Variants in PGAP1 observed in about 807,000 individuals in gnomAD.
PGAP1 encodes post-GPI attachment to proteins inositol deacylase 1.
Under a neutral mutation model 127.0 loss-of-function variants are expected in PGAP1, and 76 were observed. The ratio of observed to expected loss-of-function variants is 0.60; its 90% CI spans 0.50 to 0.72. The LOEUF (loss-of-function observed/expected upper bound fraction) is 0.72, where lower values mean the gene tolerates loss of function less well. Among genes scored for constraint, PGAP1 ranks in the 30% least tolerant of loss-of-function variants. The pLI is 0.00. For missense variants in PGAP1, 982 were observed against 1,071.3 expected (o/e 0.92, Z 1.16); for synonymous variants, 362 against 366.5 (o/e 0.99, Z 0.14).
intron 19 of PGAP1, among the ~76,000 whole-genome samples, chr2:196,865,726 A>T (rs1701218676): frequency 6.6e-6 from 1 of 152,012 alleles, no homozygotes; most frequent in Admixed American, 6.6e-5. Context: ...AAGTTTTAAA[A>T]TCAGTGCCTA....
rs1184068304 is a variant in PGAP1, at chr2:196,844,055, T to A, written c.2358A>T (p.Arg786Ser). 1.3e-5 allele frequency: 21 copies of A among 1,586,110 alleles called. No homozygotes were observed. The highest frequency in any genetic ancestry group is 1.8e-5 in the Non-Finnish European group (21 of 1,162,274). Residue 786 changes from arginine to serine, a missense_variant, in exon 25 of 27, where the codon AGA becomes AGT. Coordinates refer to ENST00000354764, the MANE Select transcript of PGAP1 (RefSeq NM_024989.4). ...SQPVNPKHSR[R>S]SEKKSNHHKD... ...TATGATGATTGGATTTCTTTTCACT[T>A]CTTCTAGAGTGTTTGGGATTCTATA...
At position 196,890,881 on chromosome 2, in the gene PGAP1, G is replaced by C. The variant is rs757910847; in HGVS notation, c.1120C>G (p.Leu374Val). The change falls in exon 10 of 27, where the codon CTT becomes GTT. Residue 374 changes from leucine (L) to valine (V), a missense_variant. Physicochemically the swap from Leu to Val is conservative, Grantham distance 32. Transcript: ENST00000354764. ...GTGTAGATTTTTCTATGATTTTCAAGAGGAAATGTAAAATATATCTTCTCA... is the reference window on the plus strand; with the variant it reads ...GTGTAGATTTTTCTATGATTTTCAACAGGAAATGTAAAATATATCTTCTCA... Reference protein sequence around the residue: ...ESEKIYFTFPLENHRKIYTHV... With the variant: ...ESEKIYFTFPVENHRKIYTHV... 1 of 1,539,520 alleles carries C rather than the reference G, an allele frequency of 6.5e-7. No individual in the cohort carries two copies. Among genetic ancestry groups the C allele is most frequent in the Non-Finnish European group, 9.0e-7 (1 of 1,113,798 alleles).
At chr2:196,874,763 C>T (rs371220884) in intron 14 of PGAP1, among the ~76,000 whole-genome samples, 28 of 152,128 alleles carry the variant, frequency 1.8e-4, no homozygotes, top group African/African-American at 4.3e-4. Context: ...CCTGTAATTC[C>T]GGCATTTTGG....
rs148349860 is a variant in PGAP1 at position 196,847,200 on chromosome 2, C to T, written c.1953G>A (p.Gly651=). ...PFVIIIKFLL[G]YKWFKELWDV... Reference sequence around the variant, plus strand: ...CCCACAATTCTTTAAACCATTTATACCTGTGGAGAAAAGAAAATATAAAAG... The same window carrying T: ...CCCACAATTCTTTAAACCATTTATATCTGTGGAGAAAAGAAAATATAAAAG... The change falls in exon 22 of 27, where the codon GGG becomes GGA. Residue 651 remains glycine (G), a splice_region_variant and synonymous_variant. Coordinates refer to ENST00000354764, the MANE Select transcript of PGAP1 (RefSeq NM_024989.4). 469 of 1,593,802 alleles carry T rather than the reference C, an allele frequency of 2.9e-4. No homozygotes were observed. Among genetic ancestry groups the T allele is most frequent in the Non-Finnish European group, 3.7e-4 (435 of 1,172,758 alleles).
chr2:196,852,028 G>A (rs1352523022), intron 20 of PGAP1, among the ~76,000 whole-genome samples: 1 of 152,088 alleles, frequency 6.6e-6, no homozygotes, highest in African/African-American at 2.4e-5. Flanking sequence ...TTGTTCCACA[G>A]CCTTAATTAC....
intron 12 of PGAP1, among the ~76,000 whole-genome samples, chr2:196,881,846 C>G (rs1701743670): frequency 6.6e-6 from 1 of 152,184 alleles, no homozygotes; most frequent in African/African-American, 2.4e-5. Context: ...GTTTCCTTTG[C>G]TGTGCAGAAA....
intron 5 of PGAP1, among the ~76,000 whole-genome samples, chr2:196,899,162 T>G (rs1329761375): frequency 6.6e-6 from 1 of 152,180 alleles, no homozygotes; most frequent in East Asian, 1.9e-4. Flanking sequence ...CATCTCTTTA[T>G]GTACCATCAA....
chr2:196,913,118 C>A (rs1576196144), intron 3 of PGAP1, 65 bp from the exon 4 acceptor site: 2 of 1,463,638 alleles, frequency 1.4e-6, no homozygotes, highest in East Asian at 4.6e-5. Flanking sequence ...CTAAATATTT[C>A]TCTCTGCATA....
At chr2:196,900,935 AG>A (rs1269459909) in intron 5 of PGAP1, among the ~76,000 whole-genome samples, 4 of 145,494 alleles carry the variant, frequency 2.7e-5, no homozygotes, top group African/African-American at 9.8e-5. Context: ...TCAAAAAAAA[AG>A]AAAAAAAAAG....
At chr2:196,906,097 C>G (rs1414741766) in intron 4 of PGAP1, among the ~76,000 whole-genome samples, 1 of 35,672 alleles carries the variant, frequency 2.8e-5, no homozygotes, top group African/African-American at 1.0e-4. Context: ...GTGGAGCCCA[C>G]CACAGCTCAA....
intron 18 of PGAP1, among the ~76,000 whole-genome samples, chr2:196,871,910 G>A (rs1701421902): frequency 6.6e-6 from 1 of 152,142 alleles, no homozygotes. Context: ...GAATCCATAA[G>A]TAACTAAAAT....
chr2:196,877,917 T>C (rs1447250918), intron 13 of PGAP1, among the ~76,000 whole-genome samples: 1 of 152,110 alleles, frequency 6.6e-6, no homozygotes, highest in East Asian at 1.9e-4. Context: ...ATAAATAAAT[T>C]ATAATTCAAT....
intron 5 of PGAP1, among the ~76,000 whole-genome samples, chr2:196,899,104 C>T (rs577712908): frequency 6.6e-6 from 1 of 152,274 alleles, no homozygotes; most frequent in Non-Finnish European, 1.5e-5. Context: ...AATAGCATCT[C>T]ACACAGAATA....
intron 1 of PGAP1, chr2:196,922,153 C>T: frequency 7.7e-7 from 1 of 1,295,362 alleles, no homozygotes; most frequent in Non-Finnish European, 1.0e-6. Context: ...GTCCTCCTTC[C>T]TTGACTCTGC....
At chr2:196,891,810 C>A (rs1427480614) in intron 9 of PGAP1, among the ~76,000 whole-genome samples, 1 of 151,944 alleles carries the variant, frequency 6.6e-6, no homozygotes, top group Non-Finnish European at 1.5e-5. Context: ...TCCAGGCATT[C>A]CTCATCAACA....
intron 22 of PGAP1, 35 bp from the exon 23 acceptor site, chr2:196,846,052 T>G: frequency 7.7e-7 from 1 of 1,300,504 alleles, no homozygotes; most frequent in Non-Finnish European, 1.1e-6. Context: ...AAATATATAT[T>G]AACAAATATT....
chr2:196,922,615 C>CAA (rs1553606712), intron 1 of PGAP1: 68 of 714,108 alleles, frequency 9.5e-5, no homozygotes, highest in African/African-American at 7.4e-4. Flanking sequence ...CACACACACA[C>CAA]AACAAAGCTT....
rs1185367920 is a variant in PGAP1, at chr2:196,863,027, C to CCCTAGTTATTA, written c.1861+1959_1861+1960insTAATAACTAGG. Among the ~76,000 whole-genome samples the CCCTAGTTATTA allele has an allele frequency of 3.3e-5, 5 of 152,120 alleles. 1 individual carries two copies. In the South Asian group the frequency reaches 8.3e-4, roughly 25 times the overall value. On this transcript the variant is annotated intron_variant, in intron 20 of 26. Coordinates refer to ENST00000354764, the MANE Select transcript of PGAP1 (RefSeq NM_024989.4). The stretch of plus-strand genomic sequence containing the variant: ...AAAACCACAATGAGATATTACCTCA[C>CCCTAGTTATTA]CCTAGTTAAAATGGCTTGTTAACAA...
At chr2:196,855,756 C>T (rs558856038) in intron 20 of PGAP1, among the ~76,000 whole-genome samples, 9 of 152,012 alleles carry the variant, frequency 5.9e-5, no homozygotes, top group South Asian at 4.2e-4. Flanking sequence ...TTCTTATGGC[C>T]GTATGATTTT....
Sources: allele counts gnomAD v4.1 joint callset (sites outside exome capture counted in the v4.1 genomes callset), GRCh38; gene constraint gnomAD v4.1.1; transcripts MANE v1.5; gene names NCBI Gene and HGNC (gene_info 2026-07-23, HGNC 2026-07-21).